PHF20: variants seen among roughly 807,000 people sequenced by gnomAD.
The protein encoded by PHF20 is glioma-expressed antigen 2.
PHF20 carries 23 observed loss-of-function variants against 113.5 expected under a neutral mutation model. That is an observed-to-expected ratio of 0.20 (90% confidence interval 0.15 to 0.29). The LOEUF (loss-of-function observed/expected upper bound fraction) is 0.29, where lower values mean the gene tolerates loss of function less well. Ranked by LOEUF, PHF20 falls within the 10% of genes least tolerant of loss-of-function variation. The probability of loss-of-function intolerance (pLI) is 1.00; values close to 1 mark genes in which losing one functional copy is unlikely to be tolerated. For missense variants in PHF20, 943 were observed against 1,219.6 expected, an observed-to-expected ratio of 0.77 and a Z score of 3.38; for synonymous variants, 434 against 457.3, an observed-to-expected ratio of 0.95 and a Z score of 0.65.
chr20:35,919,410 G>C (rs2055469440), intron 13 of PHF20, among the ~76,000 whole-genome samples: 1 of 149,682 alleles, frequency 6.7e-6, no homozygotes, highest in African/African-American at 2.5e-5. Context: ...CGCAATCTCG[G>C]CTCACTGCAA....
At chr20:35,868,196 G>A (rs543930692) in intron 6 of PHF20, among the ~76,000 whole-genome samples, 7 of 152,176 alleles carry the variant, frequency 4.6e-5, no homozygotes, top group Non-Finnish European at 8.8e-5. Flanking sequence ...GGGAGGCTGA[G>A]GCAGGAGAAT....
intron 1 of PHF20, among the ~76,000 whole-genome samples, chr20:35,780,353 G>A (rs2041265705): frequency 6.7e-6 from 1 of 150,054 alleles, no homozygotes; most frequent in Non-Finnish European, 1.5e-5. Context: ...AGCCTCCTGA[G>A]TAGCTGGGAC....
intron 17 of PHF20, among the ~76,000 whole-genome samples, chr20:35,942,137 G>A (rs569663621): frequency 1.7e-4 from 26 of 152,172 alleles, no homozygotes; most frequent in African/African-American, 6.3e-4. Flanking sequence ...CTAGCCAAGT[G>A]TAGGGGTGTA....
chr20:35,884,700 AT>A (rs1470923369), intron 9 of PHF20, among the ~76,000 whole-genome samples: 1 of 152,224 alleles, frequency 6.6e-6, no homozygotes, highest in East Asian at 1.9e-4. Flanking sequence ...ACAAAAAATA[AT>A]TTCAGATTTA....
chr20:35,823,718 C>G (rs1378291586), intron 2 of PHF20, among the ~76,000 whole-genome samples: 1 of 151,720 alleles, frequency 6.6e-6, no homozygotes, highest in African/African-American at 2.4e-5. Flanking sequence ...TCCTCATGTC[C>G]ATTTGTAATC....
chr20:35,828,345 G>A (rs1448172857), intron 2 of PHF20, among the ~76,000 whole-genome samples: 1 of 152,152 alleles, frequency 6.6e-6, no homozygotes, highest in Non-Finnish European at 1.5e-5. Context: ...TAATAGCCAT[G>A]TGGGTGAACA....
chr20:35,847,479 G>T (rs2042644683), intron 4 of PHF20, 45 bp downstream of exon 4: 2 of 1,203,194 alleles, frequency 1.7e-6, no homozygotes, highest in Admixed American at 1.7e-5. Context: ...GACTTAGGTG[G>T]TGGGGGGGGA....
Position 35,942,788 on chromosome 20 carries a change from A to G in PHF20, c.2896+1741A>G, listed in dbSNP as rs150477561. ...ATCAAAATCCCTTTTTATGGAATCA[A>G]CTCTTTATTTAAACACCAAGATAAA... On this transcript the variant is annotated intron_variant, in intron 17 of 17. Coordinates refer to ENST00000374012, the MANE Select transcript of PHF20 (RefSeq NM_016436.5). Among the ~76,000 whole-genome samples, 85 of 152,082 alleles carry G rather than the reference A, an allele frequency of 5.6e-4. 1 individual carries two copies. The East Asian group carries it at 0.015, about 27-fold the overall frequency.
chr20:35,773,189 G>A (rs1360129223), intron 1 of PHF20, among the ~76,000 whole-genome samples: 1 of 152,128 alleles, frequency 6.6e-6, no homozygotes, highest in African/African-American at 2.4e-5. Context: ...AACTCTCAGA[G>A]TGCAGCCACT....
In PHF20 at chr20:35,779,021, T is replaced by TG. The variant is rs573215082; in HGVS notation, c.-33+6942_-33+6943insG. ...GCTTGGGATTTAAACAAAGGGTTTT[T>TG]TTTTGTTTTGTTTTGTTTTTTGTTT... On this transcript the variant is annotated intron_variant, in intron 1 of 17. Coordinates refer to ENST00000374012, the MANE Select transcript of PHF20 (RefSeq NM_016436.5). Among the ~76,000 whole-genome samples, 25 of 152,000 alleles carry TG rather than the reference T, an allele frequency of 1.6e-4. No homozygotes were observed. In the East Asian group the frequency reaches 4.1e-3, roughly 25 times the overall value.
At chr20:35,939,750 G>A (rs906409806) in intron 16 of PHF20, among the ~76,000 whole-genome samples, 9 of 152,178 alleles carry the variant, frequency 5.9e-5, no homozygotes, top group African/African-American at 2.2e-4. Flanking sequence ...GTGAGGCTTT[G>A]TATGATTTGA....
Position 35,878,830 on chromosome 20 carries a change from G to A in PHF20, c.1282+7001G>A, listed in dbSNP as rs923847390. 1.9e-5 allele frequency: 11 copies of A among 577,368 alleles called. No homozygotes were observed. The South Asian group carries it at 2.5e-4, about 13-fold the overall frequency. 35.8% of individuals were successfully genotyped at this position (577,368 alleles called of 1,614,324 possible). A position where few individuals can be genotyped will look rare whatever the true frequency, so the allele number is the denominator to read the frequency against. Reference sequence around the variant, plus strand: ...ATTATTGTTGAAAATAAACTAATTTGTATGGGTTTAGATGGTAACACGGCA... The same window carrying A: ...ATTATTGTTGAAAATAAACTAATTTATATGGGTTTAGATGGTAACACGGCA... On this transcript the variant is annotated intron_variant, in intron 9 of 17. Coordinates refer to ENST00000374012, the MANE Select transcript of PHF20 (RefSeq NM_016436.5).
chr20:35,890,016 AC>A (rs538543838), intron 9 of PHF20, among the ~76,000 whole-genome samples: 288 of 151,982 alleles, frequency 1.9e-3, no homozygotes, highest in African/African-American at 6.4e-3. Flanking sequence ...GGCATGAGCC[AC>A]CATCCCTGGC....
chr20:35,931,551 GA>G (rs2055753780), intron 15 of PHF20, 107 bp downstream of exon 15: 1 of 785,560 alleles, frequency 1.3e-6, no homozygotes, highest in Admixed American at 2.9e-5. Flanking sequence ...TCATAAAACT[GA>G]GTTTGAGACC....
chr20:35,874,336 G>A (rs1395687984), intron 9 of PHF20, among the ~76,000 whole-genome samples: 1 of 152,196 alleles, frequency 6.6e-6, no homozygotes, highest in Non-Finnish European at 1.5e-5. Flanking sequence ...GTATGTTAAA[G>A]ACGATAAGGC....
At chr20:35,943,966 A>C (rs980938358) in intron 17 of PHF20, among the ~76,000 whole-genome samples, 6 of 151,670 alleles carry the variant, frequency 4.0e-5, no homozygotes, top group African/African-American at 1.5e-4. Context: ...AATGACCATG[A>C]AAAGTAAAAA....
intron 10 of PHF20, among the ~76,000 whole-genome samples, chr20:35,903,287 T>G (rs193051453): frequency 3.6e-4 from 55 of 152,210 alleles, no homozygotes; most frequent in Non-Finnish European, 4.1e-4. Context: ...ACTAGTAGGG[T>G]TGGACAATTA....
At chr20:35,857,011 G>T (rs2042841351) in intron 4 of PHF20, among the ~76,000 whole-genome samples, 1 of 152,140 alleles carries the variant, frequency 6.6e-6, no homozygotes, top group South Asian at 2.1e-4. Context: ...TGTGGGAAGA[G>T]AATGTATCAG....
rs1038497612 is a variant in PHF20, at chr20:35,899,411, A to G, written c.1324A>G (p.Asn442Asp). The G allele has an allele frequency of 6.2e-7, 1 of 1,613,458 alleles. No individual in the cohort carries two copies. Among genetic ancestry groups the G allele is most frequent in the African/African-American group, 1.3e-5 (1 of 74,924 alleles). Residue 442 changes from asparagine to aspartate, a missense_variant, in exon 10 of 18, where the codon AAT becomes GAT. By Grantham distance (23) the Asn-to-Asp change is conservative (BLOSUM62 1). Around this residue, in one of 3 missense-constraint regions of PHF20, gnomAD observed 592 missense variants for 787.2 expected, o/e 0.75. Transcript: ENST00000374012. Reference protein sequence around the residue: ...FKKTDDFGSSNAPAVDLDHKF... With the variant: ...FKKTDDFGSSDAPAVDLDHKF... The stretch of plus-strand genomic sequence containing the variant: ...GAAAACAGATGATTTTGGGTCATCT[A>G]ATGCACCAGCTGTCGACCTAGACCA...
Sources: allele counts gnomAD v4.1 joint callset (sites outside exome capture counted in the v4.1 genomes callset), GRCh38; gene constraint gnomAD v4.1.1; regional missense constraint gnomAD v4.1.1; transcripts MANE v1.5; gene names NCBI Gene and HGNC (gene_info 2026-07-23, HGNC 2026-07-21).